The following CDH6 variants were observed in gnomAD, a reference collection of about 807,000 sequenced individuals.
CDH6 encodes cadherin-6.
A neutral mutation model predicts 78.0 loss-of-function variants in CDH6; 31 were observed. The observed-to-expected ratio is 0.40, with a 90% CI of 0.30 to 0.54. The LOEUF is 0.54. Among genes scored for constraint, CDH6 ranks in the 20% least tolerant of loss-of-function variants. CDH6 has a pLI of 0.56. For missense variants in CDH6, 724 were observed against 975.9 expected (o/e 0.74, Z 3.44); for synonymous variants, 376 against 368.8 (o/e 1.02, Z -0.23).
chr5:31,212,866 A>G (rs188639407), intron 1 of CDH6, among the ~76,000 whole-genome samples: 5 of 152,288 alleles, frequency 3.3e-5, no homozygotes, highest in African/African-American at 9.6e-5. Context: ...AGCTAGTTGA[A>G]GCTGCTTTTC....
chr5:31,281,929 A>G (rs1410955082), intron 2 of CDH6, among the ~76,000 whole-genome samples: 1 of 152,182 alleles, frequency 6.6e-6, no homozygotes, highest in Non-Finnish European at 1.5e-5. Context: ...TCTGAAAAAA[A>G]TGGAGAAAAT....
intron 1 of CDH6, among the ~76,000 whole-genome samples, chr5:31,196,947 G>C (rs1164584470): frequency 6.6e-6 from 1 of 151,928 alleles, no homozygotes; most frequent in Non-Finnish European, 1.5e-5. Flanking sequence ...TACATGAAGA[G>C]CGCCGCCGCC....
intron 1 of CDH6, among the ~76,000 whole-genome samples, chr5:31,214,182 C>G (rs1740800516): frequency 6.7e-6 from 1 of 149,250 alleles, no homozygotes; most frequent in South Asian, 2.1e-4. Context: ...GGGAAAAAAC[C>G]AGACACACTG....
chr5:31,305,106 C>CGTGTCTTGGATTTCT, intron 6 of CDH6, 68 bp from the exon 7 acceptor site: 1 of 1,495,992 alleles, frequency 6.7e-7, no homozygotes, highest in Non-Finnish European at 9.0e-7. Flanking sequence ...AAAAATGTTT[C>CGTGTCTTGGATTTCT]GTGTCTTGGC....
intron 8 of CDH6, among the ~76,000 whole-genome samples, chr5:31,315,054 C>T (rs1213150304): frequency 6.6e-6 from 1 of 152,138 alleles, no homozygotes; most frequent in Non-Finnish European, 1.5e-5. Context: ...ATACTGATTC[C>T]TCGACCTGAA....
chr5:31,302,954 A>AGAAAGAAAGAAAGAAAGAAG lies in CDH6; in HGVS notation c.999+659_999+660insAGAAAGAAAGAAAGAAGGAA, dbSNP rs1491181731. On this transcript the variant is annotated intron_variant, in intron 6 of 11. Transcript: ENST00000265071. ...AAGAAAGAAAGAAAGAAAGAAAGAA[A>AGAAAGAAAGAAAGAAAGAAG]GAAGGAAAGAAAAGAAAGAAAGAAA... Among the ~76,000 whole-genome samples, 61 of 129,762 alleles carry AGAAAGAAAGAAAGAAAGAAG rather than the reference A, an allele frequency of 4.7e-4. 1 individual carries two copies. The highest frequency in any genetic ancestry group is 1.6e-3 in the African/African-American group (56 of 35,632). The allele number at this position is 129,762 out of a possible 152,430, so 85.1% of individuals were successfully genotyped here. A position where few individuals can be genotyped will look rare whatever the true frequency, so the allele number is the denominator to read the frequency against.
At chr5:31,255,453 G>A (rs534569420) in intron 1 of CDH6, among the ~76,000 whole-genome samples, 1 of 152,084 alleles carries the variant, frequency 6.6e-6, no homozygotes, top group Non-Finnish European at 1.5e-5. Context: ...TTTCTTTGGT[G>A]GTATAATTAA....
intron 7 of CDH6, 27 bp from the exon 8 acceptor site, chr5:31,313,290 CT>C: frequency 6.3e-7 from 1 of 1,586,348 alleles, no homozygotes; most frequent in Non-Finnish European, 8.6e-7. Flanking sequence ...AAAGAAAAGC[CT>C]TTCTTAATTC....
At chr5:31,275,030 T>C (rs889619774) in intron 2 of CDH6, among the ~76,000 whole-genome samples, 1 of 152,172 alleles carries the variant, frequency 6.6e-6, no homozygotes, top group Non-Finnish European at 1.5e-5. Flanking sequence ...TCTTTATTGA[T>C]CAGCATAACT....
intron 1 of CDH6, among the ~76,000 whole-genome samples, chr5:31,204,574 G>A (rs758205310): frequency 1.3e-4 from 20 of 152,132 alleles, no homozygotes; most frequent in Admixed American, 3.9e-4. Flanking sequence ...AGTTGGCTTT[G>A]CACCTTTGAG....
At chr5:31,293,494 A>G (rs148824070) in intron 2 of CDH6, among the ~76,000 whole-genome samples, 88 of 152,288 alleles carry the variant, frequency 5.8e-4, no homozygotes, top group African/African-American at 2.0e-3. Flanking sequence ...AATAGAATAT[A>G]CCCAAGTCTC....
chr5:31,323,422 A>G lies in CDH6; in HGVS notation c.*114A>G. Reference sequence around the variant, plus strand: ...TCTGTTCTACCCGTTCCAAAAGCCAATGGCTGCAGTCCGTGTGGATCCAAT... The same window carrying G: ...TCTGTTCTACCCGTTCCAAAAGCCAGTGGCTGCAGTCCGTGTGGATCCAAT... On this transcript the variant is annotated 3_prime_UTR_variant, in exon 12 of 12. Transcript: ENST00000265071. The G allele has an allele frequency of 5.0e-6, 6 of 1,212,006 alleles. No homozygotes were observed. In the South Asian group the frequency reaches 9.0e-5, roughly 18 times the overall value. The allele number at this position is 1,212,006 out of a possible 1,614,324, so 75.1% of individuals were successfully genotyped here.
intron 1 of CDH6, among the ~76,000 whole-genome samples, chr5:31,208,601 T>C (rs1380077303): frequency 6.6e-6 from 1 of 152,236 alleles, no homozygotes; most frequent in Non-Finnish European, 1.5e-5. Context: ...TATTTGTTCA[T>C]GGTGGAAACT....
At chr5:31,249,931 A>G (rs905770423) in intron 1 of CDH6, 3 of 152,280 alleles carry the variant, frequency 2.0e-5, no homozygotes, top group Non-Finnish European at 4.4e-5. Flanking sequence ...GGTGCCCTAC[A>G]AGGCTAGTTT....
chr5:31,265,264 C>T (rs1043538055), intron 1 of CDH6, among the ~76,000 whole-genome samples: 5 of 152,170 alleles, frequency 3.3e-5, no homozygotes, highest in African/African-American at 7.2e-5. Flanking sequence ...AAGAATCATT[C>T]GTACCTAATT....
At position 31,324,889 on chromosome 5, in the gene CDH6, A is replaced by G. The variant is rs926859668; in HGVS notation, c.*1581A>G. Reference sequence around the variant, plus strand: ...AATTCCAGCGTACTATAATGAAAACATCCTTGTTTTGAAAACCTAAAAGAC... The same window carrying G: ...AATTCCAGCGTACTATAATGAAAACGTCCTTGTTTTGAAAACCTAAAAGAC... On this transcript the variant is annotated 3_prime_UTR_variant, in exon 12 of 12. Coordinates refer to ENST00000265071, the MANE Select transcript of CDH6 (RefSeq NM_004932.4). The G allele has an allele frequency of 9.9e-6, 2 of 202,582 alleles. No individual in the cohort carries two copies. Among genetic ancestry groups the G allele is most frequent in the Non-Finnish European group, 2.0e-5 (2 of 98,790 alleles). 12.5% of individuals were successfully genotyped at this position (202,582 alleles called of 1,614,324 possible). A position where few individuals can be genotyped will look rare whatever the true frequency, so the allele number is the denominator to read the frequency against.
At chr5:31,228,163 G>A (rs765375090) in intron 1 of CDH6, among the ~76,000 whole-genome samples, 2 of 152,142 alleles carry the variant, frequency 1.3e-5, no homozygotes, top group Middle Eastern at 3.2e-3. Context: ...ATGCCTCACT[G>A]TCCCATCTTC....
At chr5:31,315,964 A>C (rs149839810) in intron 8 of CDH6, among the ~76,000 whole-genome samples, 164 of 152,328 alleles carry the variant, frequency 1.1e-3, no homozygotes, top group African/African-American at 3.6e-3. Flanking sequence ...TTTATTATAC[A>C]GTTGAACTAT....
At chr5:31,264,940 C>T (rs1044187535) in intron 1 of CDH6, among the ~76,000 whole-genome samples, 1 of 152,162 alleles carries the variant, frequency 6.6e-6, no homozygotes, top group Non-Finnish European at 1.5e-5. Flanking sequence ...GCACACAACA[C>T]CCACAGGGAT....
Sources: allele counts gnomAD v4.1 joint callset (sites outside exome capture counted in the v4.1 genomes callset), GRCh38; gene constraint gnomAD v4.1.1; transcripts MANE v1.5; gene names NCBI Gene and HGNC (gene_info 2026-07-23, HGNC 2026-07-21).